The following CENPE variants were observed in gnomAD, a reference collection of about 807,000 sequenced individuals.
CENPE encodes centromere protein E, also known as centromere-associated protein E.
Under a neutral mutation model 336.1 loss-of-function variants are expected in CENPE, and 145 were observed. That is an observed-to-expected ratio of 0.43 (90% CI 0.38 to 0.50). CENPE has a LOEUF of 0.50. Among genes scored for constraint, CENPE ranks in the 20% least tolerant of loss-of-function variants. CENPE has a pLI of 0.00. For synonymous variants in CENPE, 1,013 were observed against 984.8 expected (o/e 1.03, Z -0.54); for missense variants, 2,719 against 3,023.3 (o/e 0.90, Z 2.36).
Position 103,151,239 on chromosome 4 carries a change from C to G in CENPE, c.3376G>C (p.Glu1126Gln). The change falls in exon 26 of 49, where the codon GAA becomes CAA. Residue 1126 changes from glutamate to glutamine, a missense_variant. Glu to Gln is a conservative substitution (Grantham distance 29). Around this residue, in one of 5 missense-constraint regions of CENPE, gnomAD observed 2,437 missense variants for 2,513.3 expected, o/e 0.97. Transcript: ENST00000265148. ...SRTCDRLAEVEEKLKEKSQQL... is the reference protein window; with the variant it reads ...SRTCDRLAEVQEKLKEKSQQL... ...TTCACCTTTTCCTTTAGTTTTTCTT[C>G]AACTTCTGCCAGTCTGTCACAGGTC... The G allele has an allele frequency of 6.3e-7, 1 of 1,594,092 alleles. No homozygotes were observed. Among genetic ancestry groups the G allele is most frequent in the South Asian group, 1.2e-5 (1 of 85,602 alleles).
rs781176053 is a variant in CENPE at position 103,161,106 on chromosome 4, A to G, written c.2111T>C (p.Ile704Thr). ...AATACCTTTTGGAACTTTGCCATCT[A>G]TAAGGGAGGTGAGTTTTGTTATCTC... ...FNEITKLTSL[I>T]DGKVPKDLLC... The change falls in exon 20 of 49, where the codon ATA (isoleucine) becomes ACA (threonine). Residue 704 changes from isoleucine (I) to threonine (T), a missense_variant. Physicochemically the swap from Ile to Thr is moderately conservative, Grantham distance 89. Around this residue, in one of 5 missense-constraint regions of CENPE, gnomAD observed 2,437 missense variants for 2,513.3 expected, o/e 0.97. Coordinates refer to ENST00000265148, the MANE Select transcript of CENPE (RefSeq NM_001813.3). 2.5e-5 allele frequency: 40 copies of G among 1,601,612 alleles called. No individual in the cohort carries two copies. The highest frequency in any genetic ancestry group is 1.3e-4 in the East Asian group (6 of 44,596).
intron 34 of CENPE, among the ~76,000 whole-genome samples, chr4:103,142,620 T>G (rs1239378223): frequency 3.3e-5 from 5 of 152,212 alleles, no homozygotes; most frequent in Admixed American, 2.0e-4. Flanking sequence ...TCTTAATTTC[T>G]GCGTTTCTAC....
At chr4:103,187,672 C>T (rs1157083497) in intron 8 of CENPE, among the ~76,000 whole-genome samples, 4 of 152,160 alleles carry the variant, frequency 2.6e-5, no homozygotes, top group African/African-American at 7.2e-5. Flanking sequence ...AAGGAACAAC[C>T]GGTAATAGCC....
In CENPE at chr4:103,194,448, A is replaced by G. The variant is rs1757590034; in HGVS notation, c.560-7T>C. The stretch of plus-strand genomic sequence containing the variant: ...TCTCCATAATGCCTGCTCTCTGTAA[A>G]AATGAGTTATATTTCAGCTGCATAT... On this transcript the variant is annotated splice_polypyrimidine_tract_variant and splice_region_variant and intron_variant, in intron 6 of 48. Transcript: ENST00000265148. 6.9e-6 allele frequency: 11 copies of G among 1,595,806 alleles called. No individual in the cohort carries two copies. Among genetic ancestry groups the G allele is most frequent in the Non-Finnish European group, 9.4e-6 (11 of 1,168,986 alleles).
chr4:103,125,866 C>CAAAA (rs1314621341), intron 42 of CENPE, among the ~76,000 whole-genome samples: 1 of 48,050 alleles, frequency 2.1e-5, no homozygotes, highest in African/African-American at 7.4e-5. Context: ...GACTCCATCT[C>CAAAA]AAAAAAAAAA....
intron 41 of CENPE, 39 bp from the exon 42 acceptor site, chr4:103,132,935 G>C (rs771900853): frequency 3.8e-6 from 2 of 521,512 alleles, no homozygotes; most frequent in Non-Finnish European, 5.7e-6. Flanking sequence ...TAAACATTAG[G>C]AAAGTTTTGA....
chr4:103,132,958 A>ATT (rs1040309629), intron 41 of CENPE, 62 bp from the exon 42 acceptor site: 49 of 228,256 alleles, frequency 2.1e-4, no homozygotes, highest in Non-Finnish European at 3.1e-4. Context: ...CAAATATTTT[A>ATT]TTTATATATA....
At chr4:103,121,325 T>A (rs1040906748) in intron 43 of CENPE, among the ~76,000 whole-genome samples, 1 of 152,122 alleles carries the variant, frequency 6.6e-6, no homozygotes, top group Non-Finnish European at 1.5e-5. Flanking sequence ...ATCTCTCCTA[T>A]TTTTTGTTTT....
chr4:103,149,494 C>CTGATAGG, intron 26 of CENPE, 86 bp from the exon 27 acceptor site: 1 of 1,168,506 alleles, frequency 8.6e-7, no homozygotes, highest in Non-Finnish European at 1.2e-6. Flanking sequence ...TGCCTCCTAT[C>CTGATAGG]AGCATATAAA....
At chr4:103,194,468 G>A (rs1411711408) in intron 6 of CENPE, 27 bp from the exon 7 acceptor site, 2 of 1,526,188 alleles carry the variant, frequency 1.3e-6, no homozygotes, top group Non-Finnish European at 9.0e-7. Context: ...TATTTCAGCT[G>A]CATATATAAT....
At position 103,161,116 on chromosome 4, in the gene CENPE, T is replaced by A; in HGVS notation, c.2101A>T (p.Thr701Ser). The A allele has an allele frequency of 6.2e-7, 1 of 1,603,542 alleles. No homozygotes were observed. Among genetic ancestry groups the A allele is most frequent in the Non-Finnish European group, 8.5e-7 (1 of 1,176,560 alleles). Reference protein sequence around the residue: ...QSAFNEITKLTSLIDGKVPKD... With the variant: ...QSAFNEITKLSSLIDGKVPKD... ...GGAACTTTGCCATCTATAAGGGAGG[T>A]GAGTTTTGTTATCTCATTAAAAGCA... Residue 701 changes from threonine to serine, a missense_variant, in exon 20 of 49, where the codon ACC (threonine) becomes TCC (serine). By Grantham distance (58) the Thr-to-Ser change is moderately conservative. Around this residue, in one of 5 missense-constraint regions of CENPE, gnomAD observed 2,437 missense variants for 2,513.3 expected, o/e 0.97. Transcript: ENST00000265148.
At chr4:103,147,897 T>C (rs1753191573) in intron 28 of CENPE, among the ~76,000 whole-genome samples, 1 of 152,160 alleles carries the variant, frequency 6.6e-6, no homozygotes, top group Admixed American at 6.5e-5. Flanking sequence ...TTTCACCATG[T>C]TGGCCAGGCT....
chr4:103,190,146 T>G (rs1233223253), intron 8 of CENPE, among the ~76,000 whole-genome samples: 1 of 151,932 alleles, frequency 6.6e-6, no homozygotes, highest in Non-Finnish European at 1.5e-5. Context: ...TAAAAGAGGA[T>G]ACAAACAAAT....
intron 24 of CENPE, among the ~76,000 whole-genome samples, chr4:103,157,301 G>A (rs1246505099): frequency 1.3e-5 from 2 of 151,948 alleles, no homozygotes; most frequent in East Asian, 1.9e-4. Flanking sequence ...CACATTCATA[G>A]GAGCTTTATT....
intron 8 of CENPE, among the ~76,000 whole-genome samples, chr4:103,186,140 C>T (rs1756748075): frequency 6.6e-6 from 1 of 152,180 alleles, no homozygotes; most frequent in Non-Finnish European, 1.5e-5. Flanking sequence ...TAAGCTGGCA[C>T]TTGCACTGCT....
At chr4:103,170,418 A>G (rs1023605986) in intron 16 of CENPE, among the ~76,000 whole-genome samples, 4 of 152,198 alleles carry the variant, frequency 2.6e-5, no homozygotes, top group African/African-American at 7.2e-5. Context: ...GGGAGGAGAT[A>G]AAGTGTGGAG....
At chr4:103,175,915 TA>T (rs1560662801) in intron 15 of CENPE, 44 bp downstream of exon 15, 2 of 1,206,224 alleles carry the variant, frequency 1.7e-6, no homozygotes, top group Non-Finnish European at 1.2e-6. Flanking sequence ...AAAAGAATTT[TA>T]AAAAGAGTAA....
intron 35 of CENPE, 147 bp from the exon 36 acceptor site, chr4:103,141,251 G>A (rs1027343279): frequency 7.0e-6 from 4 of 571,638 alleles, no homozygotes; most frequent in Non-Finnish European, 1.2e-5. Context: ...TTCTTTTGAG[G>A]TATAATATAT....
intron 8 of CENPE, among the ~76,000 whole-genome samples, chr4:103,193,944 T>C (rs1199210907): frequency 6.6e-6 from 1 of 151,986 alleles, no homozygotes; most frequent in Non-Finnish European, 1.5e-5. Flanking sequence ...AAAATTCTAC[T>C]GCATTAGTGG....
Sources: gnomAD v4.1 joint callset for allele counts (sites outside exome capture counted in the v4.1 genomes callset) on GRCh38, gnomAD v4.1.1 for gene constraint, gnomAD v4.1.1 regional missense constraint, MANE v1.5 for transcripts, NCBI Gene and HGNC (gene_info 2026-07-23, HGNC 2026-07-21) for gene names.